Variants in ABCD3 observed in about 807,000 individuals in gnomAD.
ABCD3 encodes the protein ATP-binding cassette sub-family D member 3.
Under a neutral mutation model 105.5 loss-of-function variants are expected in ABCD3, and 41 were observed. The observed-to-expected ratio is 0.39, with a 90% CI of 0.30 to 0.50. The LOEUF (loss-of-function observed/expected upper bound fraction) is 0.50, where lower values mean the gene tolerates loss of function less well. Among genes scored for constraint, ABCD3 ranks in the 20% least tolerant of loss-of-function variants. The probability of loss-of-function intolerance (pLI) is 0.84; values close to 1 mark genes in which losing one functional copy is unlikely to be tolerated. For synonymous variants in ABCD3, 258 were observed against 269.0 expected, an observed-to-expected ratio of 0.96 and a Z score of 0.40; for missense variants, 622 against 806.3, an observed-to-expected ratio of 0.77 and a Z score of 2.77.
At chr1:94,505,196 T>TA (rs1650291833) in intron 20 of ABCD3, among the ~76,000 whole-genome samples, 1 of 152,156 alleles carries the variant, frequency 6.6e-6, no homozygotes, top group Admixed American at 6.5e-5. Context: ...TTAAATGTTT[T>TA]AAATTTAAAA....
chr1:94,462,974 G>A (rs933161561), intron 2 of ABCD3, among the ~76,000 whole-genome samples: 1 of 152,180 alleles, frequency 6.6e-6, no homozygotes, highest in Non-Finnish European at 1.5e-5. Flanking sequence ...TAGGTTGAAT[G>A]TGTAAGGTTT....
At chr1:94,462,545 T>C (rs567534124) in intron 2 of ABCD3, among the ~76,000 whole-genome samples, 1 of 152,268 alleles carries the variant, frequency 6.6e-6, no homozygotes, top group Non-Finnish European at 1.5e-5. Context: ...CAGGTTTCAG[T>C]CAGTTTAAGG....
At chr1:94,481,164 A>G (rs2101007393) in intron 9 of ABCD3, among the ~76,000 whole-genome samples, 1 of 152,314 alleles carries the variant, frequency 6.6e-6, no homozygotes, top group East Asian at 1.9e-4. Context: ...TAGGTAGATA[A>G]TATAGGGTTG....
Position 94,458,640 on chromosome 1 carries a change from T to C in ABCD3, c.144T>C (p.Asn48=). Residue 48 remains asparagine (N), a synonymous_variant, in exon 2 of 23, where the codon AAT becomes AAC. Coordinates refer to ENST00000370214, the MANE Select transcript of ABCD3 (RefSeq NM_002858.4). ...GTGGAAAACCACCATTACAGAACAA[T>C]GAGGTAAAAGTTTAAATCATCTTCT... ...KKSGKPPLQN[N]EKEGKKERAV... The C allele has an allele frequency of 6.2e-7, 1 of 1,611,988 alleles. No homozygotes were observed. The highest frequency in any genetic ancestry group is 2.2e-5 in the East Asian group (1 of 44,750).
intron 21 of ABCD3, among the ~76,000 whole-genome samples, chr1:94,508,651 A>G (rs915461530): frequency 1.3e-5 from 2 of 148,860 alleles, no homozygotes; most frequent in African/African-American, 4.9e-5. Flanking sequence ...ATTTGTTTGT[A>G]TCCTCTTTTA....
rs1383708083 is a variant in ABCD3 at position 94,498,992 on chromosome 1, A to C, written c.1578A>C (p.Pro526=). 6.2e-7 allele frequency: 1 copy of C among 1,614,062 alleles called. No individual in the cohort carries two copies. Among genetic ancestry groups the C allele is most frequent in the East Asian group, 2.2e-5 (1 of 44,848 alleles). The change falls in exon 19 of 23, where the codon CCA becomes CCC. Residue 526 remains proline (P), a synonymous_variant. Transcript: ENST00000370214. ...CACTTCGAGATCAAGTGATATATCC[A>C]GATGGACGAGAAGATCAGAAAAGGA... ...LGTLRDQVIY[P]DGREDQKRKG... is the part of the protein sequence containing the mutation.
At chr1:94,508,354 T>C (rs1407570622) in intron 21 of ABCD3, among the ~76,000 whole-genome samples, 1 of 152,194 alleles carries the variant, frequency 6.6e-6, no homozygotes, top group Non-Finnish European at 1.5e-5. Context: ...GATCTATATC[T>C]CTGTTTTGGT....
the ABCD3 span, among the ~76,000 whole-genome samples, chr1:94,406,096 C>G: frequency 4.2e-3 from 633 of 151,504 alleles, 5 homozygotes; most frequent in African/African-American, 0.015. Flanking sequence ...GGAGTTTATT[C>G]CTGTGTATGG....
the ABCD3 span, among the ~76,000 whole-genome samples, chr1:94,391,791 T>A: frequency 1.3e-5 from 2 of 152,206 alleles, no homozygotes; most frequent in South Asian, 4.1e-4. Context: ...CAAAGTTACA[T>A]CCTGTGCAAA....
chr1:94,471,254 A>G (rs1648443382), intron 4 of ABCD3, among the ~76,000 whole-genome samples: 1 of 152,184 alleles, frequency 6.6e-6, no homozygotes, highest in Non-Finnish European at 1.5e-5. Flanking sequence ...CACTTACAGA[A>G]AAGTTGAAAA....
At chr1:94,480,194 CTG>C (rs1648969632) in intron 8 of ABCD3, 1 of 477,714 alleles carries the variant, frequency 2.1e-6, no homozygotes, top group Non-Finnish European at 3.8e-6. Context: ...CATAGAAAAA[CTG>C]TGAACTGCAA....
At chr1:94,389,228 T>G in the ABCD3 span, among the ~76,000 whole-genome samples, 1 of 152,254 alleles carries the variant, frequency 6.6e-6, no homozygotes, top group Non-Finnish European at 1.5e-5. Context: ...CTAAGAGGGC[T>G]GGAGAGGATA....
chr1:94,395,694 G>A, the ABCD3 span, among the ~76,000 whole-genome samples: 1 of 152,182 alleles, frequency 6.6e-6, no homozygotes, highest in Non-Finnish European at 1.5e-5. Context: ...GAAAGAGCAA[G>A]TAAAAATAGT....
At chr1:94,419,097 CT>C (rs1659148553) in intron 1 of ABCD3, 1 of 172,050 alleles carries the variant, frequency 5.8e-6, no homozygotes. Context: ...CGATTCCCGA[CT>C]AACTGCTATT....
chr1:94,427,425 T>C lies in ABCD3; in HGVS notation c.110+8837T>C, dbSNP rs187988093. 1.6e-3 allele frequency among the ~76,000 whole-genome samples: 249 copies of C among 152,320 alleles called. 4 individuals carry two copies. Among genetic ancestry groups the C allele is most frequent in the Admixed American group, 9.1e-3 (140 of 15,306 alleles). On this transcript the variant is annotated intron_variant, in intron 1 of 22. Coordinates refer to ENST00000370214, the MANE Select transcript of ABCD3 (RefSeq NM_002858.4). ...CTGACATAGTTTTTTGGTGAATTCA[T>C]ATTTTCTCCTAAAAGTTACCACTTC...
chr1:94,480,352 CA>C lies in ABCD3; in HGVS notation c.685-110del, dbSNP rs1197720588. ...AAAGGGAAAAAATTACCCAGTAGGGCAATTTCTTTCAGTCATTGAGGTTAAT... is the reference window on the plus strand; with the variant it reads ...AAAGGGAAAAAATTACCCAGTAGGGCATTTCTTTCAGTCATTGAGGTTAAT... On this transcript the variant is annotated intron_variant, in intron 8 of 22. Coordinates refer to ENST00000370214, the MANE Select transcript of ABCD3 (RefSeq NM_002858.4). 1.0e-5 allele frequency: 14 copies of C among 1,348,826 alleles called. No individual in the cohort carries two copies. The Admixed American group carries it at 2.5e-4, about 24-fold the overall frequency. 83.6% of individuals were successfully genotyped at this position (1,348,826 alleles called of 1,614,324 possible). A position where few individuals can be genotyped will look rare whatever the true frequency, so the allele number is the denominator to read the frequency against.
chr1:94,391,469 T>C, the ABCD3 span, among the ~76,000 whole-genome samples: 3 of 152,154 alleles, frequency 2.0e-5, no homozygotes, highest in Non-Finnish European at 4.4e-5. Context: ...AGCAGCTATG[T>C]CCACATCACT....
At chr1:94,445,053 T>A (rs904836477) in intron 1 of ABCD3, among the ~76,000 whole-genome samples, 2 of 152,222 alleles carry the variant, frequency 1.3e-5, no homozygotes, top group African/African-American at 4.8e-5. Context: ...ACCCATCCCC[T>A]TGTTTTGGCC....
At chr1:94,485,452 CG>C (rs1269836607) in intron 10 of ABCD3, among the ~76,000 whole-genome samples, 2 of 152,176 alleles carry the variant, frequency 1.3e-5, no homozygotes, top group South Asian at 4.1e-4. Context: ...TTTGCCTCGT[CG>C]GTATTTAACA....
Sources: allele counts gnomAD v4.1 joint callset (sites outside exome capture counted in the v4.1 genomes callset), GRCh38; gene constraint gnomAD v4.1.1; transcripts MANE v1.5; gene names NCBI Gene and HGNC (gene_info 2026-07-23, HGNC 2026-07-21).